The following GABRA5 variants were observed in gnomAD, a reference collection of about 807,000 sequenced individuals.
GABRA5 encodes the protein gamma-aminobutyric acid type A receptor subunit alpha5.
GABRA5 carries 18 observed loss-of-function variants against 47.3 expected under a neutral mutation model. The observed-to-expected ratio is 0.38, with a 90% CI of 0.26 to 0.56. The LOEUF (loss-of-function observed/expected upper bound fraction) is 0.56, where lower values mean the gene tolerates loss of function less well. Among genes scored for constraint, GABRA5 ranks in the 20% least tolerant of loss-of-function variants. The pLI is 0.71. For missense variants in GABRA5, 365 were observed against 599.3 expected, an observed-to-expected ratio of 0.61 and a Z score of 4.08; for synonymous variants, 237 against 229.3, an observed-to-expected ratio of 1.03 and a Z score of -0.30.
In GABRA5 at chr15:26,948,211, A is replaced by G; in HGVS notation, c.1367A>G (p.Lys456Arg). 6.2e-7 allele frequency: 1 copy of G among 1,612,564 alleles called. No homozygotes were observed. Among genetic ancestry groups the G allele is most frequent in the Non-Finnish European group, 8.5e-7 (1 of 1,179,614 alleles). The change falls in exon 11 of 11, where the codon AAA becomes AGA. Residue 456 changes from lysine (K) to arginine (R), a missense_variant. Transcript: ENST00000335625. The part of the protein sequence containing the change: ...ATYLNREPVI[K>R]GAASPK ...TATTTGAATAGGGAGCCGGTGATAA[A>G]AGGAGCCGCCTCTCCAAAATAACCG...
intron 7 of GABRA5, among the ~76,000 whole-genome samples, chr15:26,927,209 T>C (rs61999601): frequency 1.5e-3 from 228 of 152,052 alleles, no homozygotes; most frequent in Non-Finnish European, 2.9e-3. Context: ...GTTCAAGGGA[T>C]TCTCCTGCCT....
chr15:26,915,817 G>C (rs1312280327), intron 7 of GABRA5, among the ~76,000 whole-genome samples: 1 of 152,164 alleles, frequency 6.6e-6, no homozygotes, highest in Non-Finnish European at 1.5e-5. Context: ...CCTCTGCTGA[G>C]TAACTGTGGG....
intron 4 of GABRA5, among the ~76,000 whole-genome samples, chr15:26,881,444 C>A (rs1169018743): frequency 6.6e-6 from 1 of 152,146 alleles, no homozygotes; most frequent in South Asian, 2.1e-4. Flanking sequence ...GCATTTAGTG[C>A]TTCACTATGG....
intron 6 of GABRA5, among the ~76,000 whole-genome samples, chr15:26,913,182 C>CAAA (rs34449696): frequency 1.7e-5 from 2 of 115,384 alleles, no homozygotes; most frequent in African/African-American, 3.0e-5. Flanking sequence ...GACTCTGTCT[C>CAAA]AAAAAAAAAA....
At chr15:26,943,033 G>A (rs1409930967) in intron 9 of GABRA5, among the ~76,000 whole-genome samples, 182 bp from the exon 10 acceptor site, 1 of 151,462 alleles carries the variant, frequency 6.6e-6, no homozygotes, top group Admixed American at 6.6e-5. Flanking sequence ...GCAGTGAGCC[G>A]AGATTGTGCC....
At chr15:26,890,531 C>T (rs929074042) in intron 6 of GABRA5, among the ~76,000 whole-genome samples, 2 of 150,174 alleles carry the variant, frequency 1.3e-5, no homozygotes, top group African/African-American at 2.5e-5. Context: ...TGGAGCCTGC[C>T]TGGGACACCA....
chr15:26,877,538 G>A (rs1281147099), intron 3 of GABRA5: 1 of 338,682 alleles, frequency 3.0e-6, no homozygotes, highest in Non-Finnish European at 5.8e-6. Flanking sequence ...AAATACGTCT[G>A]CAGTTGCCAT....
In GABRA5 at chr15:26,937,368, G is replaced by A. The variant is rs1173198801; in HGVS notation, c.724+40G>A. Reference sequence around the variant, plus strand: ...CGCGCTGTGCTGCCAGGCGCACTCAGGACACCACACCCTTGGAGAGCTTGC... The same window carrying A: ...CGCGCTGTGCTGCCAGGCGCACTCAAGACACCACACCCTTGGAGAGCTTGC... On this transcript the variant is annotated intron_variant, in intron 8 of 10. Coordinates refer to ENST00000335625, the MANE Select transcript of GABRA5 (RefSeq NM_000810.4). The A allele has an allele frequency of 3.2e-6, 5 of 1,562,118 alleles. No individual in the cohort carries two copies. The South Asian group carries it at 6.2e-5, about 19-fold the overall frequency.
chr15:26,923,036 A>C (rs575073191), intron 7 of GABRA5, among the ~76,000 whole-genome samples: 1 of 152,300 alleles, frequency 6.6e-6, no homozygotes, highest in Admixed American at 6.5e-5. Flanking sequence ...ACCTTTCCCT[A>C]ATCTTAACAC....
intron 3 of GABRA5, among the ~76,000 whole-genome samples, chr15:26,871,918 A>G (rs192375429): frequency 2.6e-5 from 4 of 152,280 alleles, no homozygotes; most frequent in African/African-American, 9.6e-5. Flanking sequence ...ATATTAGAAG[A>G]TATTTTTGTA....
rs973201150 is a variant in GABRA5, at chr15:26,945,982, T to A, written c.1090-1952T>A. ...TCTTCTGGCAGATCTGCATGAGCTCTCAGTGATGGTGGGGAAGGCGGGGAC... is the reference window on the plus strand; with the variant it reads ...TCTTCTGGCAGATCTGCATGAGCTCACAGTGATGGTGGGGAAGGCGGGGAC... On this transcript the variant is annotated intron_variant, in intron 10 of 10. Coordinates refer to ENST00000335625, the MANE Select transcript of GABRA5 (RefSeq NM_000810.4). 5.9e-5 allele frequency among the ~76,000 whole-genome samples: 9 copies of A among 152,178 alleles called. 1 individual carries two copies. The highest frequency in any genetic ancestry group is 5.9e-4 in the Admixed American group (9 of 15,284).
At chr15:26,935,370 G>T (rs1020060223) in intron 7 of GABRA5, among the ~76,000 whole-genome samples, 1 of 152,232 alleles carries the variant, frequency 6.6e-6, no homozygotes, top group Non-Finnish European at 1.5e-5. Flanking sequence ...TCCTTACAAT[G>T]ATTATTTCAT....
intron 3 of GABRA5, among the ~76,000 whole-genome samples, chr15:26,879,495 C>T (rs367834958): frequency 2.6e-5 from 4 of 152,152 alleles, no homozygotes; most frequent in East Asian, 3.9e-4. Flanking sequence ...CTGTGGGCTC[C>T]GTACTAACAG....
chr15:26,876,396 C>A (rs1333996915), intron 3 of GABRA5, among the ~76,000 whole-genome samples: 3 of 152,042 alleles, frequency 2.0e-5, no homozygotes, highest in Non-Finnish European at 4.4e-5. Context: ...CTGGGGCATG[C>A]TTGTGTTCTG....
chr15:26,928,181 TA>T (rs1894005076), intron 7 of GABRA5, among the ~76,000 whole-genome samples: 1 of 152,138 alleles, frequency 6.6e-6, no homozygotes, highest in Non-Finnish European at 1.5e-5. Context: ...AGTCATCCAG[TA>T]GAGAGAATTT....
chr15:26,888,688 TAA>T (rs1892936136), intron 6 of GABRA5, among the ~76,000 whole-genome samples: 1 of 152,192 alleles, frequency 6.6e-6, no homozygotes, highest in Non-Finnish European at 1.5e-5. Context: ...CACCATTACG[TAA>T]GTTATAAAGA....
chr15:26,894,006 G>A (rs953098260), intron 6 of GABRA5, among the ~76,000 whole-genome samples: 40 of 152,098 alleles, frequency 2.6e-4, no homozygotes, highest in Admixed American at 1.2e-3. Flanking sequence ...GCCTCCAGGA[G>A]TGTTAGGTCG....
At chr15:26,936,211 T>A (rs1289966390) in intron 7 of GABRA5, among the ~76,000 whole-genome samples, 1 of 152,240 alleles carries the variant, frequency 6.6e-6, no homozygotes, top group Non-Finnish European at 1.5e-5. Context: ...GAGTCAATTA[T>A]ACCTCTTTTC....
intron 6 of GABRA5, among the ~76,000 whole-genome samples, chr15:26,912,286 T>C (rs1471022047): frequency 6.6e-6 from 1 of 152,252 alleles, no homozygotes; most frequent in Non-Finnish European, 1.5e-5. Context: ...AAATTCTAGA[T>C]ATTTTCAGAT....
Sources: allele counts gnomAD v4.1 joint callset (sites outside exome capture counted in the v4.1 genomes callset), GRCh38; gene constraint gnomAD v4.1.1; transcripts MANE v1.5; gene names NCBI Gene and HGNC (gene_info 2026-07-23, HGNC 2026-07-21).